The following YTHDF3 variants were observed in gnomAD, a reference collection of about 807,000 sequenced individuals.
The protein encoded by YTHDF3 is YTH N6-methyladenosine RNA binding protein F3, also known as YTH domain-containing family protein 3.
In YTHDF3, 9 loss-of-function variants were observed where a neutral mutation model predicts 52.5. The observed-to-expected ratio is 0.17, with a 90% CI of 0.10 to 0.30. YTHDF3 has a LOEUF of 0.30. Ranked by LOEUF, YTHDF3 falls within the 10% of genes least tolerant of loss-of-function variation. YTHDF3 has a pLI of 1.00. For missense variants in YTHDF3, 534 were observed against 715.0 expected (o/e 0.75, Z 2.89); for synonymous variants, 274 against 243.3 (o/e 1.13, Z -1.18).
intron 2 of YTHDF3, among the ~76,000 whole-genome samples, chr8:63,171,649 G>C (rs542451403): frequency 6.6e-6 from 1 of 152,284 alleles, no homozygotes; most frequent in Non-Finnish European, 1.5e-5. Context: ...AAGCTTTTCT[G>C]CCTTAGCTTG....
intron 4 of YTHDF3, among the ~76,000 whole-genome samples, chr8:63,200,407 T>G (rs1370890568): frequency 1.3e-5 from 2 of 152,062 alleles, no homozygotes; most frequent in Non-Finnish European, 2.9e-5. Context: ...ATTTTTAAAT[T>G]TCTTTTTCTT....
chr8:63,170,978 A>G (rs1807285915), intron 2 of YTHDF3, among the ~76,000 whole-genome samples: 2 of 152,222 alleles, frequency 1.3e-5, no homozygotes, highest in South Asian at 4.1e-4. Context: ...TAAACTGCAT[A>G]ATACATCCAC....
chr8:63,184,679 ATAG>A (rs887498679), intron 3 of YTHDF3, among the ~76,000 whole-genome samples: 5 of 152,234 alleles, frequency 3.3e-5, no homozygotes, highest in South Asian at 2.1e-4. Flanking sequence ...CAAGAGTGAA[ATAG>A]TAGAAGAAAC....
intron 4 of YTHDF3, among the ~76,000 whole-genome samples, chr8:63,208,992 C>G (rs570333726): frequency 6.6e-6 from 1 of 152,096 alleles, no homozygotes; most frequent in East Asian, 1.9e-4. Flanking sequence ...TTCAGCCTCC[C>G]CAGTAGCTGG....
Position 63,168,891 on chromosome 8 carries a change from G to T in YTHDF3, c.14G>T (p.Ser5Ile). The T allele has an allele frequency of 6.4e-7, 1 of 1,553,808 alleles. No individual in the cohort carries two copies. The highest frequency in any genetic ancestry group is 1.7e-4 in the Middle Eastern group (1 of 5,978). Residue 5 changes from serine (S) to isoleucine (I), a missense_variant, in exon 1 of 5, where the codon AGC becomes ATC. By Grantham distance (142) the Ser-to-Ile change is moderately radical. Around this residue, in one of 3 missense-constraint regions of YTHDF3, gnomAD observed 196 missense variants for 299.5 expected, o/e 0.65. Transcript: ENST00000539294. MSAT[S>I]VDQRPKGQGN... ...TTGCGGTGAAGAATGTCAGCCACTA[G>T]CGTGGATCAGGTGAGGGAGCAGAGG...
At chr8:63,188,701 A>ATATATATATATATATATATTT (rs1355614739) in intron 4 of YTHDF3, 11 of 61,444 alleles carry the variant, frequency 1.8e-4, no homozygotes, top group Non-Finnish European at 2.6e-4. Context: ...ATATATATAT[A>ATATATATATATATATATATTT]TTTTTTTTTT....
intron 4 of YTHDF3, among the ~76,000 whole-genome samples, chr8:63,189,769 T>C (rs777540679): frequency 1.3e-5 from 2 of 152,218 alleles, no homozygotes; most frequent in Non-Finnish European, 2.9e-5. Context: ...GCAGTGTACT[T>C]TTTAAGTATA....
chr8:63,175,011 T>C (rs748709228), intron 2 of YTHDF3, among the ~76,000 whole-genome samples: 3 of 152,226 alleles, frequency 2.0e-5, no homozygotes, highest in Non-Finnish European at 4.4e-5. Flanking sequence ...ATTAGGGAAC[T>C]CTTTCCAACA....
intron 4 of YTHDF3, among the ~76,000 whole-genome samples, chr8:63,196,117 C>A (rs747917571): frequency 6.6e-6 from 1 of 151,892 alleles, no homozygotes; most frequent in East Asian, 1.9e-4. Flanking sequence ...AAAAATTAGC[C>A]AAGTGTGGTG....
chr8:63,202,382 T>C (rs1459172205), intron 4 of YTHDF3, among the ~76,000 whole-genome samples: 1 of 152,198 alleles, frequency 6.6e-6, no homozygotes, highest in African/African-American at 2.4e-5. Context: ...CTAAGTATTA[T>C]TAGCACTTTA....
At position 63,205,436 on chromosome 8, in the gene YTHDF3, CT is replaced by C. The variant is rs908105956; in HGVS notation, c.1735-4232del. ...GCTCATCATTTCTTTCTTTTTCTTT[CT>C]TTTTTTTTTTTTTTGAGATGGGGTC... On this transcript the variant is annotated intron_variant, in intron 4 of 4. Coordinates refer to ENST00000539294, the MANE Select transcript of YTHDF3 (RefSeq NM_152758.6). 4.0e-3 allele frequency among the ~76,000 whole-genome samples: 559 copies of C among 139,576 alleles called. 1 individual carries two copies. Among genetic ancestry groups the C allele is most frequent in the South Asian group, 6.9e-3 (30 of 4,374 alleles). 91.6% of individuals were successfully genotyped at this position (139,576 alleles called of 152,430 possible).
At chr8:63,185,960 T>A (rs1808471674) in intron 3 of YTHDF3, among the ~76,000 whole-genome samples, 187 bp from the exon 4 acceptor site, 1 of 152,246 alleles carries the variant, frequency 6.6e-6, no homozygotes, top group South Asian at 2.1e-4. Context: ...TATTTTAAGA[T>A]GTGACTACTC....
rs1292235166 is a variant in YTHDF3, at chr8:63,187,755, T to C, written c.1734+10T>C. 2 of 1,573,392 alleles carry C rather than the reference T, an allele frequency of 1.3e-6. No homozygotes were observed. The highest frequency in any genetic ancestry group is 1.4e-5 in the African/African-American group (1 of 73,272). ...GGAAGCCATGCGTAGGGTAAGAATA[T>C]AGTAATTTTTTGTTTGGGGTCTTTG... On this transcript the variant is annotated intron_variant, in intron 4 of 4. Transcript: ENST00000539294.
intron 4 of YTHDF3, among the ~76,000 whole-genome samples, chr8:63,198,293 G>C (rs1809367556): frequency 6.6e-6 from 1 of 151,206 alleles, no homozygotes; most frequent in African/African-American, 2.4e-5. Flanking sequence ...TCTTTCCAGA[G>C]CCTTGCTCTG....
chr8:63,175,630 A>G (rs1051790866), intron 3 of YTHDF3: 7 of 423,622 alleles, frequency 1.7e-5, no homozygotes, highest in African/African-American at 1.4e-4. Flanking sequence ...AGGTTATGAA[A>G]TATAGAATAA....
chr8:63,186,414 A>G lies in YTHDF3; in HGVS notation c.403A>G (p.Thr135Ala), dbSNP rs1341759262. 2 of 1,614,052 alleles carry G rather than the reference A, an allele frequency of 1.2e-6. No homozygotes were observed. Among genetic ancestry groups the G allele is most frequent in the Non-Finnish European group, 1.7e-6 (2 of 1,179,894 alleles). ...NFFPGNADFS[T>A]WGTSGSQGQS... ...TTTTCCTGGTAATGCTGATTTCTCT[A>G]CATGGGGGACAAGTGGATCTCAGGG... The change falls in exon 4 of 5, where the codon ACA becomes GCA. Residue 135 changes from threonine (T) to alanine (A), a missense_variant. Thr to Ala is a moderately conservative substitution (Grantham distance 58). This residue lies in a region of YTHDF3 where 196 missense variants were observed against 299.5 expected (regional missense o/e 0.65). Coordinates refer to ENST00000539294, the MANE Select transcript of YTHDF3 (RefSeq NM_152758.6).
intron 4 of YTHDF3, among the ~76,000 whole-genome samples, chr8:63,198,022 T>G (rs2150389969): frequency 6.6e-6 from 1 of 152,310 alleles, no homozygotes; most frequent in Middle Eastern, 3.4e-3. Context: ...ATAGGAATAA[T>G]TAAGAGTTTT....
In YTHDF3 at chr8:63,209,842, T is replaced by A; in HGVS notation, c.*136T>A. ...TTGAACACTTTAACACAAAGTTGAC[T>A]CTTCTCGTAATGGTTTTCATCAGCG... is the stretch of plus-strand genomic sequence containing the variant. On this transcript the variant is annotated 3_prime_UTR_variant, in exon 5 of 5. Transcript: ENST00000539294. 2 of 846,252 alleles carry A rather than the reference T, an allele frequency of 2.4e-6. No individual in the cohort carries two copies. The highest frequency in any genetic ancestry group is 3.6e-6 in the Non-Finnish European group (2 of 562,234). 52.4% of individuals were successfully genotyped at this position (846,252 alleles called of 1,614,324 possible).
At chr8:63,179,698 A>T (rs1014101801) in intron 3 of YTHDF3, among the ~76,000 whole-genome samples, 17 of 152,204 alleles carry the variant, frequency 1.1e-4, no homozygotes, top group African/African-American at 4.1e-4. Flanking sequence ...CAAAACCGCC[A>T]TCGCCATCAT....
Sources: allele counts gnomAD v4.1 joint callset (sites outside exome capture counted in the v4.1 genomes callset), GRCh38; gene constraint gnomAD v4.1.1; regional missense constraint gnomAD v4.1.1; transcripts MANE v1.5; gene names NCBI Gene and HGNC (gene_info 2026-07-23, HGNC 2026-07-21).